The following EIF4G3 variants were observed in gnomAD, a reference collection of about 807,000 sequenced individuals.
The protein encoded by EIF4G3 is eukaryotic translation initiation factor 4 gamma 3.
Under a neutral mutation model 186.4 loss-of-function variants are expected in EIF4G3, and 34 were observed. The observed-to-expected ratio is 0.18, with a 90% CI of 0.14 to 0.24. EIF4G3 has a LOEUF of 0.24. Ranked by LOEUF, EIF4G3 falls within the 10% of genes least tolerant of loss-of-function variation. EIF4G3 has a pLI of 1.00. For synonymous variants in EIF4G3, 673 were observed against 679.5 expected (o/e 0.99, Z 0.15); for missense variants, 1,536 against 1,948.5 (o/e 0.79, Z 3.99).
At chr1:20,879,664 A>ATAAGTTC in intron 19 of EIF4G3, 144 bp from the exon 20 acceptor site, 1 of 472,596 alleles carries the variant, frequency 2.1e-6, no homozygotes, top group Non-Finnish European at 3.5e-6. Flanking sequence ...AGAAATAATT[A>ATAAGTTC]AACTAATCTA....
At chr1:20,914,966 G>C (rs944615898) in intron 14 of EIF4G3, among the ~76,000 whole-genome samples, 4 of 152,146 alleles carry the variant, frequency 2.6e-5, no homozygotes, top group Admixed American at 1.3e-4. Flanking sequence ...GTCCTTACTA[G>C]TTTTCTGTTT....
chr1:20,945,585 C>T (rs2095904957), intron 13 of EIF4G3, among the ~76,000 whole-genome samples: 1 of 152,190 alleles, frequency 6.6e-6, no homozygotes, highest in Non-Finnish European at 1.5e-5. Context: ...CCTACCTCAG[C>T]CTCCCAAGTA....
chr1:21,062,361 C>T (rs2094960940), intron 3 of EIF4G3, among the ~76,000 whole-genome samples: 1 of 151,872 alleles, frequency 6.6e-6, no homozygotes, highest in Non-Finnish European at 1.5e-5. Flanking sequence ...CTCCTAGCCT[C>T]TGCTTATAAT....
At position 20,981,743 on chromosome 1, in the gene EIF4G3, C is replaced by CATACATGTATACGCACATACTGTATATAT. The variant is rs1558554277; in HGVS notation, c.199-517_199-516insATATATACAGTATGTGCGTATACATGTAT. On this transcript the variant is annotated intron_variant, in intron 8 of 36. Transcript: ENST00000602326. ...CATGTATACGCACATACTGTATATA[C>CATACATGTATACGCACATACTGTATATAT]ACATACATATATGTATACACACATA... 9.3e-5 allele frequency among the ~76,000 whole-genome samples: 11 copies of CATACATGTATACGCACATACTGTATATAT among 118,042 alleles called. 1 individual carries two copies. Among genetic ancestry groups the CATACATGTATACGCACATACTGTATATAT allele is most frequent in the East Asian group, 4.3e-4 (2 of 4,672 alleles). 77.4% of individuals were successfully genotyped at this position (118,042 alleles called of 152,430 possible).
chr1:20,927,208 T>C (rs112099502), intron 14 of EIF4G3, among the ~76,000 whole-genome samples: 166 of 152,250 alleles, frequency 1.1e-3, no homozygotes, highest in African/African-American at 3.9e-3. Flanking sequence ...CACACCCAGC[T>C]AACTGAATTG....
Position 21,002,716 on chromosome 1 carries a change from A to G in EIF4G3, c.27T>C (p.Ser9=), listed in dbSNP as rs1376506282. The G allele has an allele frequency of 1.9e-6, 3 of 1,613,332 alleles. No individual in the cohort carries two copies. Among genetic ancestry groups the G allele is most frequent in the Non-Finnish European group, 2.5e-6 (3 of 1,179,684 alleles). The change falls in exon 5 of 37, where the codon TCT becomes TCC. Residue 9 remains serine (S), a synonymous_variant. Transcript: ENST00000602326. The part of the protein sequence containing the change: MNSQPQTR[S]PPSRTVPIHC... The stretch of plus-strand genomic sequence containing the variant: ...GTTCAAGCTTCTGCTTACTTACCGG[A>G]GAACGGGTTTGAGGTTGTGAATTCA...
At chr1:21,117,382 T>G (rs2096844079) in intron 2 of EIF4G3, among the ~76,000 whole-genome samples, 1 of 152,172 alleles carries the variant, frequency 6.6e-6, no homozygotes, top group Non-Finnish European at 1.5e-5. Flanking sequence ...CTGTACTTTT[T>G]AAATGACAAA....
At position 20,885,116 on chromosome 1, in the gene EIF4G3, T is replaced by C. The variant is rs115649400; in HGVS notation, c.2424+1085A>G. The stretch of plus-strand genomic sequence containing the variant: ...ACAGGAGGCGGAGCTCAGGTGGTAA[T>C]GCTCTTTTGCCACCACTTACCTCCT... On this transcript the variant is annotated intron_variant, in intron 19 of 36. Transcript: ENST00000602326. Among the ~76,000 whole-genome samples the C allele has an allele frequency of 5.1e-3, 782 of 152,286 alleles. 7 individuals are homozygous for C. The highest frequency in any genetic ancestry group is 0.018 in the African/African-American group (751 of 41,544).
At chr1:21,120,026 G>C (rs2096899288) in intron 2 of EIF4G3, among the ~76,000 whole-genome samples, 2 of 151,532 alleles carry the variant, frequency 1.3e-5, no homozygotes, top group South Asian at 2.1e-4. Context: ...ATATGATGAA[G>C]ACTGTTGGTG....
chr1:20,832,078 T>C (rs1021070124), intron 30 of EIF4G3, among the ~76,000 whole-genome samples: 76 of 145,862 alleles, frequency 5.2e-4, no homozygotes, highest in African/African-American at 1.8e-3. Flanking sequence ...CACGTGTGCA[T>C]GTGTCTTTAC....
intron 3 of EIF4G3, among the ~76,000 whole-genome samples, chr1:21,084,231 TA>T (rs763945357): frequency 0.018 from 2,312 of 131,068 alleles, 17 homozygotes; most frequent in Non-Finnish European, 0.024. Flanking sequence ...CTGTGTAATT[TA>T]AAAAAAAAAA....
At position 21,155,034 on chromosome 1, in the gene EIF4G3, G is replaced by A. The variant is rs189179604; in HGVS notation, c.-272+21141C>T. On this transcript the variant is annotated intron_variant, in intron 2 of 36. Coordinates refer to ENST00000602326, the MANE Select transcript of EIF4G3 (RefSeq NM_001391906.1). ...TCCCAGAACTTTGGGATGCTGAGGCGGGTGGATTACTTGAGGTCAGGAGTT... is the reference window on the plus strand; with the variant it reads ...TCCCAGAACTTTGGGATGCTGAGGCAGGTGGATTACTTGAGGTCAGGAGTT... Among the ~76,000 whole-genome samples, 671 of 152,016 alleles carry A rather than the reference G, an allele frequency of 4.4e-3. 6 individuals are homozygous for A. Among genetic ancestry groups the A allele is most frequent in the Middle Eastern group, 0.037 (11 of 294 alleles).
At chr1:21,051,942 ATTAT>A (rs1221324070) in intron 3 of EIF4G3, among the ~76,000 whole-genome samples, 1 of 152,214 alleles carries the variant, frequency 6.6e-6, no homozygotes, top group Non-Finnish European at 1.5e-5. Context: ...TTCTATATAC[ATTAT>A]TTGTTTACGT....
At chr1:21,168,271 G>C (rs1333150584) in intron 2 of EIF4G3, among the ~76,000 whole-genome samples, 1 of 151,986 alleles carries the variant, frequency 6.6e-6, no homozygotes, top group Non-Finnish European at 1.5e-5. Flanking sequence ...CGGTCGTGGT[G>C]GAGGGCACCT....
chr1:21,023,915 A>G (rs1247405172), intron 4 of EIF4G3, among the ~76,000 whole-genome samples: 1 of 115,530 alleles, frequency 8.7e-6, no homozygotes, highest in Non-Finnish European at 1.9e-5. Flanking sequence ...CCGCCGCCCC[A>G]TCTGGGATGT....
intron 12 of EIF4G3, among the ~76,000 whole-genome samples, chr1:20,960,500 G>A (rs940101275): frequency 1.3e-5 from 2 of 152,028 alleles, no homozygotes; most frequent in African/African-American, 4.8e-5. Context: ...GTGGCTCATA[G>A]CAGAAATCTG....
intron 13 of EIF4G3, among the ~76,000 whole-genome samples, chr1:20,942,810 T>C (rs1001228740): frequency 1.4e-4 from 22 of 152,206 alleles, no homozygotes; most frequent in Non-Finnish European, 4.4e-5. Flanking sequence ...TATATTTTTG[T>C]ATTTGGGGAG....
chr1:21,111,303 T>G, intron 2 of EIF4G3: 1 of 471,300 alleles, frequency 2.1e-6, no homozygotes, highest in South Asian at 1.5e-5. Flanking sequence ...AATCCTAGAT[T>G]CGTTTGCCAG....
At chr1:20,882,992 G>C (rs535648149) in intron 19 of EIF4G3, among the ~76,000 whole-genome samples, 3 of 151,784 alleles carry the variant, frequency 2.0e-5, no homozygotes, top group Non-Finnish European at 4.4e-5. Flanking sequence ...TGAGGAGGGA[G>C]GATCGCTTGA....
Sources: gnomAD v4.1 joint callset for allele counts (sites outside exome capture counted in the v4.1 genomes callset) on GRCh38, gnomAD v4.1.1 for gene constraint, MANE v1.5 for transcripts, NCBI Gene and HGNC (gene_info 2026-07-23, HGNC 2026-07-21) for gene names.